PDGFRL: variants seen among roughly 807,000 people sequenced by gnomAD.
PDGFRL encodes the protein platelet-derived growth factor receptor-like protein.
In PDGFRL, 46 loss-of-function variants were observed where a neutral mutation model predicts 37.2. The observed-to-expected ratio is 1.24, with a 90% CI of 0.98 to 1.58. The LOEUF (loss-of-function observed/expected upper bound fraction) is 1.58, where lower values mean the gene tolerates loss of function less well. Ranked by LOEUF, PDGFRL falls within the 40% of genes most tolerant of loss-of-function variation. PDGFRL has a pLI of 0.00. For synonymous variants in PDGFRL, 251 were observed against 184.3 expected (o/e 1.36, Z -2.93); for missense variants, 692 against 467.6 (o/e 1.48, Z -4.43).
chr8:17,595,844 C>T (rs998295136), intron 2 of PDGFRL, among the ~76,000 whole-genome samples: 3 of 152,212 alleles, frequency 2.0e-5, no homozygotes, highest in Non-Finnish European at 4.4e-5. Context: ...GGCTGAGCCA[C>T]CTCCCAACAG....
rs1805184051 is a variant in PDGFRL at position 17,643,017 on chromosome 8, AT to A, written c.*218del. The A allele has an allele frequency of 6.1e-6, 3 of 491,568 alleles. No individual in the cohort carries two copies. The highest frequency in any genetic ancestry group is 3.9e-5 in the Admixed American group (1 of 25,676). 30.5% of individuals were successfully genotyped at this position (491,568 alleles called of 1,614,324 possible). A position where few individuals can be genotyped will look rare whatever the true frequency, so the allele number is the denominator to read the frequency against. On this transcript the variant is annotated 3_prime_UTR_variant, in exon 6 of 6. Transcript: ENST00000251630. Reference sequence around the variant, plus strand: ...TTTTCTAACAGAAAGCATGATTTTGATTGCTTACCTACATACGTGTTCCTAG... The same window carrying A: ...TTTTCTAACAGAAAGCATGATTTTGATGCTTACCTACATACGTGTTCCTAG...
chr8:17,603,637 T>C (rs1804211461), intron 2 of PDGFRL, among the ~76,000 whole-genome samples: 1 of 152,166 alleles, frequency 6.6e-6, no homozygotes, highest in African/African-American at 2.4e-5. Flanking sequence ...TCCCACTGTT[T>C]TATCATAAGC....
chr8:17,603,073 C>T (rs1424824958), intron 2 of PDGFRL, among the ~76,000 whole-genome samples: 5 of 152,176 alleles, frequency 3.3e-5, no homozygotes, highest in African/African-American at 1.2e-4. Flanking sequence ...ACCTCTGCCT[C>T]CTGGGTTCAG....
In PDGFRL at chr8:17,628,617, A is replaced by G. The variant is rs1300847731; in HGVS notation, c.636A>G (p.Pro212=). Reference sequence around the variant, plus strand: ...AAGTCACGCTCCACAGGGAATTCCCAGCCAAGGAGATCCCAGCCAATGGAA... The same window carrying G: ...AAGTCACGCTCCACAGGGAATTCCCGGCCAAGGAGATCCCAGCCAATGGAA... ...SAKVTLHREF[P]AKEIPANGTD... is the part of the protein sequence containing the mutation. Residue 212 remains proline (P), a synonymous_variant, in exon 4 of 6, where the codon CCA becomes CCG. Coordinates refer to ENST00000251630, the MANE Select transcript of PDGFRL (RefSeq NM_001372073.1). 6.2e-7 allele frequency: 1 copy of G among 1,614,194 alleles called. No homozygotes were observed.
chr8:17,576,853 G>A, upstream of PDGFRL: 1 of 268,512 alleles, frequency 3.7e-6, no homozygotes, highest in Middle Eastern at 1.7e-3. Context: ...AGGAGGTGGG[G>A]CGGGCGCTGG....
chr8:17,622,791 C>G (rs756315136), intron 3 of PDGFRL, among the ~76,000 whole-genome samples: 3 of 152,196 alleles, frequency 2.0e-5, no homozygotes, highest in Non-Finnish European at 2.9e-5. Context: ...TCTATGTTCC[C>G]TCGGTAGGGC....
chr8:17,611,923 A>G (rs1018961981), intron 2 of PDGFRL, among the ~76,000 whole-genome samples: 1 of 152,142 alleles, frequency 6.6e-6, no homozygotes. Context: ...GGTGGAAAGA[A>G]CTAGAAATGC....
At chr8:17,594,450 A>G (rs1804009071) in intron 2 of PDGFRL, among the ~76,000 whole-genome samples, 1 of 152,126 alleles carries the variant, frequency 6.6e-6, no homozygotes, top group Non-Finnish European at 1.5e-5. Context: ...TATGATGGCC[A>G]GGCTGGTCTT....
Position 17,628,497 on chromosome 8 carries a change from A to G in PDGFRL, c.516A>G (p.Glu172=). ...STYIFFTEKG[E]LFVPSPSYFD... The stretch of plus-strand genomic sequence containing the variant: ...TCCTTCCCTTTGCAGAGAAAGGAGA[A>G]CTCTTTGTACCTTCTCCCAGCTACT... The change falls in exon 4 of 6, where the codon GAA becomes GAG. Residue 172 remains glutamate, a synonymous_variant. Transcript: ENST00000251630. The G allele has an allele frequency of 1.2e-6, 2 of 1,613,230 alleles. No homozygotes were observed. The highest frequency in any genetic ancestry group is 1.7e-6 in the Non-Finnish European group (2 of 1,179,334).
chr8:17,642,011 C>T (rs1400974782), intron 5 of PDGFRL, among the ~76,000 whole-genome samples: 1 of 149,468 alleles, frequency 6.7e-6, no homozygotes, highest in African/African-American at 2.5e-5. Context: ...GTTGGGTGGA[C>T]ATCTCAAAAG....
At chr8:17,615,324 G>A (rs1000515568) in intron 2 of PDGFRL, among the ~76,000 whole-genome samples, 4 of 151,960 alleles carry the variant, frequency 2.6e-5, no homozygotes, top group Non-Finnish European at 4.4e-5. Flanking sequence ...GAGTGTGTGT[G>A]TGTGCATAGC....
intron 5 of PDGFRL, among the ~76,000 whole-genome samples, chr8:17,636,382 C>T (rs1342893861): frequency 1.3e-5 from 2 of 152,092 alleles, no homozygotes; most frequent in Non-Finnish European, 2.9e-5. Flanking sequence ...GTGTCCTTTC[C>T]CCATTTTATG....
intron 2 of PDGFRL, among the ~76,000 whole-genome samples, chr8:17,591,360 G>A (rs1425970179): frequency 2.0e-5 from 3 of 152,166 alleles, no homozygotes; most frequent in African/African-American, 4.8e-5. Context: ...AAAGAAACAC[G>A]TGCTTCCTGG....
At chr8:17,578,624 G>C (rs150162943) in intron 1 of PDGFRL, among the ~76,000 whole-genome samples, 180 of 152,306 alleles carry the variant, frequency 1.2e-3, no homozygotes, top group African/African-American at 4.1e-3. Context: ...AATAGGGCAG[G>C]AGATGGCCAG....
chr8:17,595,372 G>A (rs1471665267), intron 2 of PDGFRL, among the ~76,000 whole-genome samples: 4 of 152,150 alleles, frequency 2.6e-5, no homozygotes, highest in Admixed American at 6.5e-5. Flanking sequence ...TCATATCCCT[G>A]ATGGTGGCAC....
chr8:17,583,238 C>G (rs980919397), intron 1 of PDGFRL, among the ~76,000 whole-genome samples: 3 of 152,090 alleles, frequency 2.0e-5, no homozygotes, highest in Non-Finnish European at 4.4e-5. Flanking sequence ...AGGGCACTGC[C>G]TAGGGGAGCC....
In PDGFRL at chr8:17,585,070, C is replaced by T. The variant is rs148105694; in HGVS notation, c.56-4398C>T. Among the ~76,000 whole-genome samples the T allele has an allele frequency of 1.5e-3, 221 of 152,244 alleles. 1 individual carries two copies. The highest frequency in any genetic ancestry group is 2.8e-3 in the Non-Finnish European group (190 of 68,028). ...CATATAGGATGACTTCCTGATGTTACCATGGCATTTGTAAACACTCATGGC... is the reference window on the plus strand; with the variant it reads ...CATATAGGATGACTTCCTGATGTTATCATGGCATTTGTAAACACTCATGGC... On this transcript the variant is annotated intron_variant, in intron 1 of 5. Coordinates refer to ENST00000251630, the MANE Select transcript of PDGFRL (RefSeq NM_001372073.1).
At chr8:17,603,787 C>G (rs1367426848) in intron 2 of PDGFRL, among the ~76,000 whole-genome samples, 1 of 152,158 alleles carries the variant, frequency 6.6e-6, no homozygotes, top group Admixed American at 6.5e-5. Context: ...ATATTAAAGT[C>G]TGTTAGCAAG....
intron 3 of PDGFRL, among the ~76,000 whole-genome samples, chr8:17,625,134 T>TC (rs765214732): frequency 0.011 from 36 of 3,408 alleles, 1 homozygote; most frequent in Middle Eastern, 0.12. Context: ...AAGCTATCCC[T>TC]CCCCCCCCCG....
Sources: allele counts gnomAD v4.1 joint callset (sites outside exome capture counted in the v4.1 genomes callset), GRCh38; gene constraint gnomAD v4.1.1; transcripts MANE v1.5; gene names NCBI Gene and HGNC (gene_info 2026-07-23, HGNC 2026-07-21).